The following MCOLN2 variants were observed in gnomAD, a reference collection of about 807,000 sequenced individuals.
MCOLN2 encodes mucolipin-2.
A neutral mutation model predicts 67.5 loss-of-function variants in MCOLN2; 57 were observed. The observed-to-expected ratio is 0.84, with a 90% confidence interval of 0.68 to 1.05. The LOEUF (loss-of-function observed/expected upper bound fraction) is 1.05, where lower values mean the gene tolerates loss of function less well. Ranked by LOEUF, MCOLN2 falls within the 50% of genes least tolerant of loss-of-function variation. MCOLN2 has a pLI of 0.00. For missense variants in MCOLN2, 620 were observed against 678.8 expected (o/e 0.91, Z 0.96); for synonymous variants, 246 against 233.3 (o/e 1.05, Z -0.50).
intron 1 of MCOLN2, among the ~76,000 whole-genome samples, chr1:84,975,391 C>G (rs901504383): frequency 1.3e-5 from 2 of 152,196 alleles, no homozygotes; most frequent in Non-Finnish European, 2.9e-5. Flanking sequence ...GAACAAGAGT[C>G]TCTGCCTGGT....
At chr1:84,981,747 T>C (rs761109933) in intron 1 of MCOLN2, among the ~76,000 whole-genome samples, 1 of 152,120 alleles carries the variant, frequency 6.6e-6, no homozygotes, top group Non-Finnish European at 1.5e-5. Flanking sequence ...GACCTAGTAT[T>C]TGATAGCACT....
intron 1 of MCOLN2, among the ~76,000 whole-genome samples, chr1:84,991,463 G>A (rs1163222305): frequency 6.6e-6 from 1 of 152,174 alleles, no homozygotes; most frequent in Non-Finnish European, 1.5e-5. Flanking sequence ...AGGTTTTGAG[G>A]TAGCTGAGTA....
intron 1 of MCOLN2, among the ~76,000 whole-genome samples, chr1:84,974,842 A>G (rs1469354476): frequency 6.6e-6 from 1 of 152,152 alleles, no homozygotes; most frequent in East Asian, 1.9e-4. Flanking sequence ...GACAACCTTC[A>G]TGACAAGCTG....
intron 2 of MCOLN2, among the ~76,000 whole-genome samples, chr1:84,959,128 T>A (rs1034070039): frequency 1.3e-5 from 2 of 152,248 alleles, no homozygotes; most frequent in African/African-American, 4.8e-5. Context: ...ATGTTTTACA[T>A]ATGGCTTTTA....
intron 1 of MCOLN2, 107 bp downstream of exon 1, chr1:84,996,689 G>T: frequency 1.1e-6 from 1 of 949,782 alleles, no homozygotes; most frequent in Non-Finnish European, 1.7e-6. Flanking sequence ...GTTAATATAA[G>T]CATTCCCAAG....
chr1:84,980,742 C>T (rs1028095720), intron 1 of MCOLN2, among the ~76,000 whole-genome samples: 6 of 152,036 alleles, frequency 3.9e-5, no homozygotes, highest in African/African-American at 9.7e-5. Flanking sequence ...TGGGGAAAAT[C>T]TCCAGGACAA....
intron 1 of MCOLN2, among the ~76,000 whole-genome samples, chr1:84,974,468 G>A (rs979809532): frequency 1.3e-5 from 2 of 151,760 alleles, no homozygotes; most frequent in South Asian, 2.1e-4. Context: ...AGCATGATAG[G>A]GTCAGAGTCA....
intron 4 of MCOLN2, among the ~76,000 whole-genome samples, chr1:84,952,894 C>T (rs556338804): frequency 3.7e-4 from 57 of 152,192 alleles, no homozygotes; most frequent in Non-Finnish European, 7.6e-4. Flanking sequence ...AGACATTCTA[C>T]TCTTTAAATG....
At chr1:84,936,578 A>C (rs1379887343) in intron 11 of MCOLN2, among the ~76,000 whole-genome samples, 1 of 152,226 alleles carries the variant, frequency 6.6e-6, no homozygotes, top group South Asian at 2.1e-4. Flanking sequence ...ATGAAGAGCA[A>C]TATTATCAAG....
chr1:84,936,377 G>A (rs983445932), intron 11 of MCOLN2, among the ~76,000 whole-genome samples: 1 of 152,156 alleles, frequency 6.6e-6, no homozygotes, highest in Non-Finnish European at 1.5e-5. Context: ...CCTCAGGAAC[G>A]GTATTTATTC....
chr1:84,933,296 C>T (rs17117593), intron 11 of MCOLN2, among the ~76,000 whole-genome samples: 2,429 of 152,140 alleles, frequency 0.016, 62 homozygotes, highest in African/African-American at 0.056. Flanking sequence ...ATACAAACAC[C>T]GTGCCTTACA....
chr1:84,950,097 T>C (rs892150347), intron 6 of MCOLN2, among the ~76,000 whole-genome samples: 2 of 152,132 alleles, frequency 1.3e-5, no homozygotes, highest in Admixed American at 6.5e-5. Flanking sequence ...TAAGTCAAAA[T>C]TGTAAAAAAC....
At chr1:84,939,881 A>G (rs997786272) in intron 8 of MCOLN2, among the ~76,000 whole-genome samples, 179 bp from the exon 9 acceptor site, 8 of 152,210 alleles carry the variant, frequency 5.3e-5, no homozygotes, top group Admixed American at 2.0e-4. Context: ...CTGAGTAAGC[A>G]TTCAATTGTC....
Position 84,952,276 on chromosome 1 carries a change from A to C in MCOLN2, c.714T>G (p.Arg238=). The C allele has an allele frequency of 6.2e-7, 1 of 1,613,560 alleles. No individual in the cohort carries two copies. Among genetic ancestry groups the C allele is most frequent in the Admixed American group, 1.7e-5 (1 of 59,964 alleles). Residue 238 remains arginine (R), a synonymous_variant, in exon 6 of 14, where the codon CGT becomes CGG. Transcript: ENST00000370608. ...GAAAGACATAACAGTCTGGTAACTCACGGGAATGAATTGTCTGTAGGTCAA... is the reference window on the plus strand; with the variant it reads ...GAAAGACATAACAGTCTGGTAACTCCCGGGAATGAATTGTCTGTAGGTCAA... ...KGIDLQTIHS[R]ELPDCYVFQN...
At chr1:84,950,162 C>T (rs1349209385) in intron 6 of MCOLN2, among the ~76,000 whole-genome samples, 1 of 152,116 alleles carries the variant, frequency 6.6e-6, no homozygotes, top group African/African-American at 2.4e-5. Flanking sequence ...TAAATTAAGG[C>T]AACAAAGAGA....
intron 2 of MCOLN2, among the ~76,000 whole-genome samples, chr1:84,963,519 C>A (rs1649201915): frequency 6.6e-6 from 1 of 152,108 alleles, no homozygotes; most frequent in Admixed American, 6.6e-5. Flanking sequence ...ATATTTGTGT[C>A]CCTGGCCAAA....
chr1:84,976,732 C>T (rs1193916932), intron 1 of MCOLN2, among the ~76,000 whole-genome samples: 1 of 152,118 alleles, frequency 6.6e-6, no homozygotes, highest in South Asian at 2.1e-4. Flanking sequence ...TGCCACTGCA[C>T]TCCAGCCTGG....
intron 11 of MCOLN2, among the ~76,000 whole-genome samples, chr1:84,934,098 A>C (rs12124212): frequency 0.24 from 36,502 of 152,078 alleles, 5,386 homozygotes; most frequent in East Asian, 0.39. Flanking sequence ...TTGGATCTTG[A>C]GTGATCATAA....
intron 6 of MCOLN2, among the ~76,000 whole-genome samples, chr1:84,948,777 A>T (rs537796806): frequency 6.6e-6 from 1 of 152,252 alleles, no homozygotes; most frequent in Non-Finnish European, 1.5e-5. Flanking sequence ...GAATTATTCA[A>T]TGAGTGAAAT....
Sources: allele counts gnomAD v4.1 joint callset (sites outside exome capture counted in the v4.1 genomes callset), GRCh38; gene constraint gnomAD v4.1.1; transcripts MANE v1.5; gene names NCBI Gene and HGNC (gene_info 2026-07-23, HGNC 2026-07-21).